Variants in MADD observed in about 807,000 individuals in gnomAD.
MADD encodes the protein MAP kinase-activating death domain protein.
MADD carries 109 observed loss-of-function variants against 176.7 expected under a neutral mutation model. The observed-to-expected ratio is 0.62, with a 90% CI of 0.53 to 0.72. MADD has a LOEUF of 0.72. MADD is among the 30% of genes least tolerant of loss of function. MADD has a pLI of 0.00. For synonymous variants in MADD, 771 were observed against 771.3 expected, an observed-to-expected ratio of 1.00 and a Z score of 0.01; for missense variants, 1,914 against 2,045.5, an observed-to-expected ratio of 0.94 and a Z score of 1.24.
chr11:47,318,921 C>T (rs1350440337), intron 27 of MADD, among the ~76,000 whole-genome samples: 2 of 149,416 alleles, frequency 1.3e-5, no homozygotes, highest in East Asian at 3.9e-4. Context: ...GATTCTCCTG[C>T]CTCAGCCTCC....
chr11:47,296,012 C>T (rs779042151), exon 22 of MADD: 56 of 1,614,118 alleles, frequency 3.5e-5, no homozygotes, highest in Non-Finnish European at 4.7e-5. Flanking sequence ...GGCACTTTGT[C>T]TGATAGTGAA....
intron 31 of MADD, chr11:47,328,356 A>G (rs1360190012): frequency 5.4e-6 from 7 of 1,307,780 alleles, no homozygotes; most frequent in Non-Finnish European, 6.8e-6. Flanking sequence ...GGCTGGTGAA[A>G]GGCCCGTCCC....
exon 3 of MADD, chr11:47,275,024 C>T (rs749413103): frequency 6.2e-6 from 10 of 1,614,262 alleles, no homozygotes; most frequent in African/African-American, 4.0e-5. Context: ...AGTACTCTCA[C>T]GTCCCTGTGC....
intron 26 of MADD, among the ~76,000 whole-genome samples, chr11:47,313,393 G>A (rs1218469339): frequency 2.6e-5 from 4 of 150,974 alleles, no homozygotes; most frequent in African/African-American, 7.3e-5. Flanking sequence ...TGCTACCTCC[G>A]CCTCCTGGGC....
At chr11:47,269,976 C>G (rs893432936), upstream of MADD, 1 of 152,258 alleles carries the variant, frequency 6.6e-6, no homozygotes, top group African/African-American at 2.4e-5. Context: ...CCCGCGCCCA[C>G]GGGCGCTAGG....
At chr11:47,284,597 A>G (rs767774162) in intron 12 of MADD, 32 bp downstream of exon 12, 3 of 1,602,910 alleles carry the variant, frequency 1.9e-6, no homozygotes, top group Middle Eastern at 1.9e-4. Context: ...AGTGAGAACC[A>G]TGGCCTGGGA....
intron 5 of MADD, among the ~76,000 whole-genome samples, chr11:47,277,372 A>C (rs1156499754): frequency 6.6e-6 from 1 of 152,196 alleles, no homozygotes; most frequent in Non-Finnish European, 1.5e-5. Context: ...GGCCCACTGG[A>C]GCCTCTGCCT....
exon 3 of MADD, chr11:47,274,876 T>C (rs770406213): frequency 2.5e-6 from 4 of 1,614,090 alleles, no homozygotes; most frequent in Non-Finnish European, 3.4e-6. Flanking sequence ...CCATGCCACC[T>C]GTGCCTCAGA....
At chr11:47,329,444 T>G (rs1220261097) in exon 33 of MADD, 1 of 402,548 alleles carries the variant, frequency 2.5e-6, no homozygotes, top group East Asian at 4.5e-5. Context: ...TTGAGACATT[T>G]GTGTTGTGGT....
At chr11:47,290,925 TAGAG>T in intron 19 of MADD, 109 bp downstream of exon 20, 2 of 895,982 alleles carry the variant, frequency 2.2e-6, no homozygotes, top group Non-Finnish European at 3.4e-6. Flanking sequence ...CTTTGCTTCT[TAGAG>T]AGGGAAGGGG....
upstream of MADD, chr11:47,269,925 C>G (rs1352732706): frequency 1.3e-5 from 2 of 152,202 alleles, no homozygotes; most frequent in South Asian, 2.1e-4. Context: ...GTGGGTCCCC[C>G]ACTTGGCACG....
intron 31 of MADD, chr11:47,328,347 G>A: frequency 7.7e-7 from 1 of 1,293,306 alleles, no homozygotes; most frequent in South Asian, 1.7e-5. Flanking sequence ...CTGTGACCAG[G>A]CTGGTGAAAG....
At chr11:47,310,777 C>T (rs749792406) in intron 25 of MADD, among the ~76,000 whole-genome samples, 1 of 151,684 alleles carries the variant, frequency 6.6e-6, no homozygotes, top group Non-Finnish European at 1.5e-5. Flanking sequence ...CATGGTGGCT[C>T]ATGCCTCTAA....
intron 15 of MADD, chr11:47,288,978 A>G (rs756103211): frequency 6.3e-7 from 1 of 1,599,076 alleles, no homozygotes; most frequent in South Asian, 1.1e-5. Context: ...TATTTGGGCT[A>G]AATACTCTAA....
At chr11:47,311,056 C>T (rs750584826) in intron 25 of MADD, among the ~76,000 whole-genome samples, 2 of 152,080 alleles carry the variant, frequency 1.3e-5, no homozygotes, top group Non-Finnish European at 2.9e-5. Flanking sequence ...GGTTTTATAG[C>T]TGTGGAAGAA....
intron 5 of MADD, 147 bp downstream of exon 5, chr11:47,277,010 C>G (rs543122209): frequency 2.0e-6 from 2 of 1,013,934 alleles, no homozygotes; most frequent in Non-Finnish European, 2.8e-6. Context: ...TTGAACTGAT[C>G]TGGTGGCAAG....
intron 4 of MADD, among the ~76,000 whole-genome samples, 174 bp downstream of exon 4, chr11:47,276,376 T>C (rs2049870138): frequency 6.6e-6 from 1 of 152,242 alleles, no homozygotes; most frequent in Non-Finnish European, 1.5e-5. Context: ...TGAATTAAGA[T>C]ACTGGTATCA....
chr11:47,324,017 G>C (rs1350583806), intron 28 of MADD, 182 bp downstream of exon 31: 10 of 680,212 alleles, frequency 1.5e-5, no homozygotes, highest in Non-Finnish European at 2.2e-5. Context: ...AGTCACAATC[G>C]GTATTAACCA....
In MADD at chr11:47,323,664, T is replaced by C. The variant is rs2094936507; in HGVS notation, c.4198-7T>C. The C allele has an allele frequency of 4.3e-6, 7 of 1,611,786 alleles. No individual in the cohort carries two copies. The highest frequency in any genetic ancestry group is 5.1e-6 in the Non-Finnish European group (6 of 1,179,164). On this transcript the variant is annotated splice_region_variant and splice_polypyrimidine_tract_variant and intron_variant, in intron 27 of 32. Transcript: ENST00000402192. ...GAACCACTGAGCCGCTTTGTGCACTTCTCCAGGTGTGCGATGACTGTGTGG... is the reference window on the plus strand; with the variant it reads ...GAACCACTGAGCCGCTTTGTGCACTCCTCCAGGTGTGCGATGACTGTGTGG...
Sources: allele counts gnomAD v4.1 joint callset (sites outside exome capture counted in the v4.1 genomes callset), GRCh38; gene constraint gnomAD v4.1.1; transcripts MANE v1.5; gene names NCBI Gene and HGNC (gene_info 2026-07-23, HGNC 2026-07-21).